The following F5 variants were observed in gnomAD, a reference collection of about 807,000 sequenced individuals.
F5 encodes coagulation factor V, also known as activated protein c cofactor.
F5 carries 138 observed loss-of-function variants against 216.4 expected under a neutral mutation model. The observed-to-expected ratio is 0.64, with a 90% CI of 0.56 to 0.73. The LOEUF is 0.73. Ranked by LOEUF, F5 falls within the 30% of genes least tolerant of loss-of-function variation. The pLI is 0.00. For synonymous variants in F5, 916 were observed against 930.7 expected (o/e 0.98, Z 0.29); for missense variants, 2,403 against 2,674.0 (o/e 0.90, Z 2.24).
chr1:169,543,029 A>G lies in F5; in HGVS notation c.2061T>C (p.Asp687=). The G allele has an allele frequency of 6.2e-7, 1 of 1,614,022 alleles. No individual in the cohort carries two copies. Among genetic ancestry groups the G allele is most frequent in the Non-Finnish European group, 8.5e-7 (1 of 1,179,922 alleles). Residue 687 remains aspartate, a synonymous_variant, in exon 13 of 25, where the codon GAT becomes GAC. Transcript: ENST00000367797. ...LKFRDVKCIP[D]DDEDSYEIFE... ...AAATCTCATATGAGTCTTCATCATC[A>G]TCTGGGATACATTTAACATCCCTGA... is the stretch of plus-strand genomic sequence containing the variant.
At position 169,557,055 on chromosome 1, in the gene F5, G is replaced by A. The variant is rs530206127; in HGVS notation, c.731-188C>T. On this transcript the variant is annotated intron_variant, in intron 5 of 24. Coordinates refer to ENST00000367797, the MANE Select transcript of F5 (RefSeq NM_000130.5). ...AGACATCTGAGTGACCAGCAAACAA[G>A]CAGTGACAACTCATTGTGATAAATG... Among the ~76,000 whole-genome samples the A allele has an allele frequency of 2.6e-5, 4 of 152,278 alleles. No individual in the cohort carries two copies. In the South Asian group the frequency reaches 6.2e-4, roughly 24 times the overall value.
Position 169,541,855 on chromosome 1 carries a change from G to A in F5, c.3235C>T (p.Pro1079Ser). 6.2e-7 allele frequency: 1 copy of A among 1,614,130 alleles called. No individual in the cohort carries two copies. Among genetic ancestry groups the A allele is most frequent in the Non-Finnish European group, 8.5e-7 (1 of 1,179,990 alleles). The stretch of plus-strand genomic sequence containing the variant: ...GGCAATGTCTGATTGAGGTCTGTGG[G>A]AAGAGATGTTTCATTGGATTTATGA... ...VLHKSNETSL[P>S]TDLNQTLPSM... is the part of the protein sequence containing the mutation. Residue 1079 changes from proline to serine, a missense_variant, in exon 13 of 25, where the codon CCC becomes TCC. Physicochemically the swap from Pro to Ser is moderately conservative, Grantham distance 74. Coordinates refer to ENST00000367797, the MANE Select transcript of F5 (RefSeq NM_000130.5).
intron 10 of F5, among the ~76,000 whole-genome samples, chr1:169,547,590 C>T (rs1203699500): frequency 5.9e-5 from 9 of 152,194 alleles, no homozygotes; most frequent in Admixed American, 3.3e-4. Context: ...ATGAAAAAAA[C>T]GCTCAACATC....
chr1:169,552,395 A>C (rs1660193281), intron 8 of F5, among the ~76,000 whole-genome samples, 162 bp downstream of exon 8: 1 of 152,198 alleles, frequency 6.6e-6, no homozygotes, highest in Non-Finnish European at 1.5e-5. Context: ...TGTATTACTG[A>C]GTAAGCTGTA....
Position 169,550,179 on chromosome 1 carries a change from G to A in F5, c.1397-164C>T, listed in dbSNP as rs7537742. Among the ~76,000 whole-genome samples the A allele has an allele frequency of 0.42, 63,123 of 151,252 alleles. 13,404 individuals are homozygous for A. The highest frequency in any genetic ancestry group is 0.65 in the East Asian group (3,326 of 5,144). ...AAGTTCTAGGGTACATGTGCACAACGTGCAGGTTTGTTACATATGTATACA... is the reference window on the plus strand; with the variant it reads ...AAGTTCTAGGGTACATGTGCACAACATGCAGGTTTGTTACATATGTATACA... On this transcript the variant is annotated intron_variant, in intron 9 of 24. Coordinates refer to ENST00000367797, the MANE Select transcript of F5 (RefSeq NM_000130.5).
intron 3 of F5, among the ~76,000 whole-genome samples, chr1:169,568,671 A>G (rs911625646): frequency 1.6e-4 from 24 of 152,240 alleles, no homozygotes; most frequent in African/African-American, 4.8e-4. Context: ...CTCTTCATTT[A>G]TATTTACTCA....
Position 169,542,646 on chromosome 1 carries a change from C to T in F5, c.2444G>A (p.Gly815Asp), listed in dbSNP as rs372031263. The change falls in exon 13 of 25, where the codon GGC becomes GAC. Residue 815 changes from glycine (G) to aspartate (D), a missense_variant. Transcript: ENST00000367797. ...TAGSPLRHLI[G>D]KNSVLNSSTA... The stretch of plus-strand genomic sequence containing the variant: ...GGAAGAATTGAGAACTGAGTTCTTG[C>T]CAATGAGGTGTCTCAGTGGGGAACC... 9 of 1,613,850 alleles carry T rather than the reference C, an allele frequency of 5.6e-6. No individual in the cohort carries two copies. Among genetic ancestry groups the T allele is most frequent in the Non-Finnish European group, 6.8e-6 (8 of 1,179,972 alleles).
At position 169,515,482 on chromosome 1, in the gene F5, A is replaced by G. The variant is rs1659136160; in HGVS notation, c.6490T>C (p.Trp2164Arg). ...TIHYSEQGVE[W>R]KPYRLKSSMV... ...GAGGATTTCAGCCTGTATGGTTTCC[A>G]TTCCACTCCCTGCTCACTGTAGTGG... Residue 2164 changes from tryptophan (W) to arginine (R), a missense_variant, in exon 24 of 25, where the codon TGG becomes CGG. Transcript: ENST00000367797. 6.2e-7 allele frequency: 1 copy of G among 1,613,528 alleles called. No individual in the cohort carries two copies. Among genetic ancestry groups the G allele is most frequent in the Non-Finnish European group, 8.5e-7 (1 of 1,179,630 alleles).
intron 14 of F5, 56 bp downstream of exon 14, chr1:169,536,450 C>A: frequency 6.8e-7 from 1 of 1,469,014 alleles, no homozygotes. Flanking sequence ...CCTTTACAAC[C>A]CTCTGGTGCT....
intron 14 of F5, among the ~76,000 whole-genome samples, chr1:169,535,210 T>C (rs1033210102): frequency 1.3e-5 from 2 of 152,104 alleles, no homozygotes; most frequent in African/African-American, 4.8e-5. Context: ...AATACACAAA[T>C]GAAGTCATTT....
intron 2 of F5, among the ~76,000 whole-genome samples, chr1:169,579,054 C>T (rs1046756615): frequency 4.6e-5 from 7 of 151,284 alleles, no homozygotes; most frequent in Non-Finnish European, 1.0e-4. Flanking sequence ...CCCCCACCCC[C>T]GAAACTACCC....
intron 19 of F5, among the ~76,000 whole-genome samples, chr1:169,524,238 T>C (rs1440788464): frequency 6.6e-6 from 1 of 152,250 alleles, no homozygotes; most frequent in African/African-American, 2.4e-5. Flanking sequence ...CTCTTGATCA[T>C]GACCTCTTGA....
At chr1:169,583,306 T>TG (rs1005586042) in intron 1 of F5, among the ~76,000 whole-genome samples, 2 of 152,238 alleles carry the variant, frequency 1.3e-5, no homozygotes, top group African/African-American at 4.8e-5. Context: ...GAAAATACCT[T>TG]GCAAATGTCT....
In F5 at chr1:169,555,287, T is replaced by A. The variant is rs760795022; in HGVS notation, c.1013A>T (p.Lys338Ile). 1 of 1,614,158 alleles carries A rather than the reference T, an allele frequency of 6.2e-7. No individual in the cohort carries two copies. Among genetic ancestry groups the A allele is most frequent in the Admixed American group, 1.7e-5 (1 of 60,028 alleles). The part of the protein sequence containing the change: ...NCPKKTRNLK[K>I]ITREQRRHMK... Reference sequence around the variant, plus strand: ...GTGCCGCCTCTGCTCACGAGTTATTTTCTTAAGATTCCTGGTTTTCTTTGG... The same window carrying A: ...GTGCCGCCTCTGCTCACGAGTTATTATCTTAAGATTCCTGGTTTTCTTTGG... The change falls in exon 7 of 25, where the codon AAA becomes ATA. Residue 338 changes from lysine to isoleucine, a missense_variant. Lys to Ile is a moderately radical substitution (Grantham distance 102). This residue lies in a region of F5 where 1,425 missense variants were observed against 1,554.8 expected (regional missense o/e 0.92). Coordinates refer to ENST00000367797, the MANE Select transcript of F5 (RefSeq NM_000130.5).
intron 19 of F5, among the ~76,000 whole-genome samples, chr1:169,524,555 C>G (rs915300488): frequency 6.6e-6 from 1 of 152,060 alleles, no homozygotes; most frequent in African/African-American, 2.4e-5. Context: ...AAATCAATGA[C>G]CCCCAGCTAT....
chr1:169,515,539 A>G lies in F5; in HGVS notation c.6433T>C (p.Ser2145Pro). 1.2e-6 allele frequency: 2 copies of G among 1,613,604 alleles called. No individual in the cohort carries two copies. Among genetic ancestry groups the G allele is most frequent in the South Asian group, 1.1e-5 (1 of 91,070 alleles). The change falls in exon 24 of 25, where the codon TCC becomes CCC. Residue 2145 changes from serine to proline, a missense_variant. This residue lies in a region of F5 where 659 missense variants were observed against 787.9 expected (regional missense o/e 0.84). Coordinates refer to ENST00000367797, the MANE Select transcript of F5 (RefSeq NM_000130.5). The stretch of plus-strand genomic sequence containing the variant: ...TAGCTCTTTACATACATTTCAGAGG[A>G]CAGAGACTTGCAGCCCTGTGTTATA... ...AIITQGCKSL[S>P]SEMYVKSYTI...
At chr1:169,514,723 C>T (rs1356008859) in intron 24 of F5, among the ~76,000 whole-genome samples, 1 of 152,054 alleles carries the variant, frequency 6.6e-6, no homozygotes, top group African/African-American at 2.4e-5. Context: ...TCAAAGAACA[C>T]ATAGAACACT....
chr1:169,528,072 G>A lies in F5; in HGVS notation c.5442C>T (p.Ser1814=). 1 of 1,613,900 alleles carries A rather than the reference G, an allele frequency of 6.2e-7. No homozygotes were observed. Among genetic ancestry groups the A allele is most frequent in the East Asian group, 2.2e-5 (1 of 44,880 alleles). The change falls in exon 17 of 25, where the codon AGC becomes AGT. Residue 1814 remains serine (S), a synonymous_variant. Transcript: ENST00000367797. The part of the protein sequence containing the change: ...EFHAINGMIY[S]LPGLKMYEQE... ...GCTCATACATTTTCAGGCCAGGCAA[G>A]CTGTAGATCATCCCATTAATGGCTG...
rs748742557 is a variant in F5 at position 169,586,413 on chromosome 1, C to A, written c.-27G>T. ...CTTCCTTTCCTGCTCCCGCTGGCTG[C>A]CACCACCCCAGGACCTGGGCAGCGC... On this transcript the variant is annotated 5_prime_UTR_variant, in exon 1 of 25. Transcript: ENST00000367797. 5 of 1,605,478 alleles carry A rather than the reference C, an allele frequency of 3.1e-6. No individual in the cohort carries two copies. In the African/African-American group the frequency reaches 6.7e-5, roughly 21 times the overall value.
Sources: allele counts gnomAD v4.1 joint callset (sites outside exome capture counted in the v4.1 genomes callset), GRCh38; gene constraint gnomAD v4.1.1; regional missense constraint gnomAD v4.1.1; transcripts MANE v1.5; gene names NCBI Gene and HGNC (gene_info 2026-07-23, HGNC 2026-07-21).